The following ADAMTS2 variants were observed in gnomAD, a reference collection of about 807,000 sequenced individuals.
ADAMTS2 encodes the protein ADAM metallopeptidase with thrombospondin type 1 motif 2, also known as A disintegrin and metalloproteinase with thrombospondin motifs 2.
In ADAMTS2, 50 loss-of-function variants were observed where a neutral mutation model predicts 123.0. That is an observed-to-expected ratio of 0.41 (90% CI 0.32 to 0.51). ADAMTS2 has a LOEUF of 0.51. Ranked by LOEUF, ADAMTS2 falls within the 20% of genes least tolerant of loss-of-function variation. ADAMTS2 has a pLI of 0.35. For synonymous variants in ADAMTS2, 678 were observed against 695.4 expected (o/e 0.98, Z 0.39); for missense variants, 1,494 against 1,705.2 (o/e 0.88, Z 2.18).
intron 2 of ADAMTS2, among the ~76,000 whole-genome samples, chr5:179,280,638 G>C (rs366480): frequency 0.78 from 118,866 of 152,002 alleles, 50,815 homozygotes; most frequent in Non-Finnish European, 0.95. Flanking sequence ...CCCAGCAGCC[G>C]TCTGTCCCTG....
chr5:179,205,927 A>G (rs1407493750), intron 4 of ADAMTS2, among the ~76,000 whole-genome samples: 3 of 151,950 alleles, frequency 2.0e-5, no homozygotes, highest in Admixed American at 6.5e-5. Flanking sequence ...GCCCGCCACC[A>G]CGCCCGGCTA....
Position 179,344,053 on chromosome 5 carries a change from C to T in ADAMTS2, c.248G>A (p.Gly83Glu), listed in dbSNP as rs1186900298. The part of the protein sequence containing the change: ...HVVSAATSRA[G>E]VRARRAAPVR... ...CGGGGCGGCCCTGCGGGCTCGTACC[C>T]CTGCTCTGGACGTAGCTGCCGACAC... Residue 83 changes from glycine to glutamate, a missense_variant, in exon 2 of 22, where the codon GGG becomes GAG. By Grantham distance (98) the Gly-to-Glu change is moderately conservative (BLOSUM62 -2). Coordinates refer to ENST00000251582, the MANE Select transcript of ADAMTS2 (RefSeq NM_014244.5). 2 of 1,612,354 alleles carry T rather than the reference C, an allele frequency of 1.2e-6. No individual in the cohort carries two copies. Among genetic ancestry groups the T allele is most frequent in the Non-Finnish European group, 1.7e-6 (2 of 1,179,788 alleles).
At chr5:179,238,482 CCAGGGCAG>C (rs1318723980) in intron 3 of ADAMTS2, among the ~76,000 whole-genome samples, 1 of 152,032 alleles carries the variant, frequency 6.6e-6, no homozygotes, top group African/African-American at 2.4e-5. Context: ...TCTGCGAGTG[CCAGGGCAG>C]GTGGTGCGGG....
chr5:179,198,334 G>A (rs2113353036), intron 4 of ADAMTS2, among the ~76,000 whole-genome samples: 1 of 152,338 alleles, frequency 6.6e-6, no homozygotes, highest in East Asian at 1.9e-4. Context: ...AAGCTGGATG[G>A]GCCACACATC....
At chr5:179,313,054 G>T (rs1756875286) in intron 2 of ADAMTS2, among the ~76,000 whole-genome samples, 1 of 152,166 alleles carries the variant, frequency 6.6e-6, no homozygotes. Context: ...GAAGTCAATG[G>T]ACAACATCGA....
chr5:179,215,320 T>C (rs940268400), intron 3 of ADAMTS2, among the ~76,000 whole-genome samples: 3 of 152,132 alleles, frequency 2.0e-5, no homozygotes, highest in Non-Finnish European at 4.4e-5. Context: ...TGGTGGTGCA[T>C]GCCTGTAATC....
At chr5:179,121,325 C>T (rs1241200002) in intron 21 of ADAMTS2, 2 of 181,094 alleles carry the variant, frequency 1.1e-5, no homozygotes, top group Non-Finnish European at 2.3e-5. Context: ...CACGACGCCG[C>T]GAGACCGCGA....
At chr5:179,334,552 G>A (rs571166995) in intron 2 of ADAMTS2, among the ~76,000 whole-genome samples, 18 of 152,352 alleles carry the variant, frequency 1.2e-4, no homozygotes, top group South Asian at 1.0e-3. Flanking sequence ...TACCGGGGGC[G>A]TTGCCGTTAA....
At chr5:179,237,927 GC>G (rs1486804236) in intron 3 of ADAMTS2, among the ~76,000 whole-genome samples, 2 of 152,204 alleles carry the variant, frequency 1.3e-5, no homozygotes, top group Non-Finnish European at 2.9e-5. Context: ...CACGCACGCC[GC>G]AGTGTAGCTG....
rs1561761323 is a variant in ADAMTS2 at position 179,112,802 on chromosome 5, G to T, written c.*1065C>A. 1 of 152,272 alleles carries T rather than the reference G, an allele frequency of 6.6e-6. No individual in the cohort carries two copies. The highest frequency in any genetic ancestry group is 1.5e-5 in the Non-Finnish European group (1 of 68,106). The allele number at this position is 152,272 out of a possible 1,614,324, so 9.4% of individuals were successfully genotyped here. ...CTTTCTCAGGTACTTGGGGAGGGAA[G>T]AGGCTCTCTGGGGAGCCCTGGAGCC... On this transcript the variant is annotated 3_prime_UTR_variant, in exon 22 of 22. Transcript: ENST00000251582.
intron 2 of ADAMTS2, among the ~76,000 whole-genome samples, chr5:179,295,163 C>T (rs1051747194): frequency 2.0e-5 from 3 of 152,226 alleles, no homozygotes; most frequent in Non-Finnish European, 4.4e-5. Context: ...AGAAAGGAAA[C>T]CTGGCTTTGA....
chr5:179,135,215 C>A (rs1168522057), intron 13 of ADAMTS2, among the ~76,000 whole-genome samples: 6 of 150,112 alleles, frequency 4.0e-5, no homozygotes, highest in South Asian at 4.3e-4. Flanking sequence ...TGCGCCCACT[C>A]CCCTAGAGGT....
At chr5:179,139,362 A>T (rs1037763746) in intron 11 of ADAMTS2, among the ~76,000 whole-genome samples, 1 of 151,866 alleles carries the variant, frequency 6.6e-6, no homozygotes, top group African/African-American at 2.4e-5. Flanking sequence ...GAGAAGGGGC[A>T]GGAGGACAGC....
chr5:179,138,397 T>C (rs1402805084), intron 11 of ADAMTS2, among the ~76,000 whole-genome samples: 3 of 152,170 alleles, frequency 2.0e-5, no homozygotes, highest in African/African-American at 7.2e-5. Context: ...GAAAGAGGCA[T>C]GCTGAGGCCC....
At chr5:179,321,577 T>TG (rs555589254) in intron 2 of ADAMTS2, among the ~76,000 whole-genome samples, 23 of 152,288 alleles carry the variant, frequency 1.5e-4, no homozygotes, top group African/African-American at 5.1e-4. Flanking sequence ...CTGCACATGG[T>TG]GGGGGGCCAA....
intron 2 of ADAMTS2, among the ~76,000 whole-genome samples, chr5:179,335,091 T>C (rs3846697): frequency 0.24 from 36,905 of 152,062 alleles, 4,586 homozygotes; most frequent in Admixed American, 0.29. Context: ...AATAAACATA[T>C]GTGACCAGCC....
In ADAMTS2 at chr5:179,113,645, G is replaced by A. The variant is rs886060488; in HGVS notation, c.*222C>T. The A allele has an allele frequency of 1.1e-4, 63 of 585,762 alleles. No individual in the cohort carries two copies. Among genetic ancestry groups the A allele is most frequent in the African/African-American group, 4.1e-4 (22 of 53,620 alleles). 36.3% of individuals were successfully genotyped at this position (585,762 alleles called of 1,614,324 possible). ...TATTCCTCTCCACTGCACACCTGAC[G>A]CCACCACAGTATTTGGTCGCTCCTG... On this transcript the variant is annotated 3_prime_UTR_variant, in exon 22 of 22. Transcript: ENST00000251582.
At chr5:179,226,595 C>A (rs1765298829) in intron 3 of ADAMTS2, among the ~76,000 whole-genome samples, 1 of 152,100 alleles carries the variant, frequency 6.6e-6, no homozygotes, top group Admixed American at 6.6e-5. Flanking sequence ...TGAGAAGACG[C>A]TCGACCTCAC....
At chr5:179,320,165 C>T (rs113538290) in intron 2 of ADAMTS2, among the ~76,000 whole-genome samples, 2 of 152,234 alleles carry the variant, frequency 1.3e-5, no homozygotes, top group South Asian at 2.1e-4. Context: ...AATTCCCTCC[C>T]GCTCCATGTC....
Sources: gnomAD v4.1 joint callset for allele counts (sites outside exome capture counted in the v4.1 genomes callset) on GRCh38, gnomAD v4.1.1 for gene constraint, MANE v1.5 for transcripts, NCBI Gene and HGNC (gene_info 2026-07-23, HGNC 2026-07-21) for gene names.